The following ADAMTSL1 variants were observed in gnomAD, a reference collection of about 807,000 sequenced individuals.
ADAMTSL1 encodes ADAMTS like 1.
Under a neutral mutation model 201.8 loss-of-function variants are expected in ADAMTSL1, and 126 were observed. The observed-to-expected ratio is 0.62, with a 90% confidence interval of 0.54 to 0.72. ADAMTSL1 has a LOEUF of 0.72. Ranked by LOEUF, ADAMTSL1 falls within the 30% of genes least tolerant of loss-of-function variation. The probability of loss-of-function intolerance (pLI) is 0.00; values close to 1 mark genes in which losing one functional copy is unlikely to be tolerated. For missense variants in ADAMTSL1, 2,679 were observed against 2,277.8 expected, an observed-to-expected ratio of 1.18 and a Z score of -3.59; for synonymous variants, 1,121 against 903.4, an observed-to-expected ratio of 1.24 and a Z score of -4.32.
At chr9:18,375,204 T>G (rs971073240) in intron 2 of ADAMTSL1, among the ~76,000 whole-genome samples, 7 of 152,228 alleles carry the variant, frequency 4.6e-5, no homozygotes, top group African/African-American at 1.7e-4. Flanking sequence ...ACTATTCTGA[T>G]AGAGAATAGC....
At chr9:18,021,147 T>C (rs989262162) in intron 1 of ADAMTSL1, among the ~76,000 whole-genome samples, 2 of 152,156 alleles carry the variant, frequency 1.3e-5, no homozygotes, top group African/African-American at 4.8e-5. Context: ...TACAACACTA[T>C]AGTTTGAGAA....
chr9:17,988,312 C>G (rs1030396819), intron 1 of ADAMTSL1, among the ~76,000 whole-genome samples: 1 of 151,988 alleles, frequency 6.6e-6, no homozygotes, highest in Non-Finnish European at 1.5e-5. Flanking sequence ...CTCTATTGAC[C>G]TTATTGCTGT....
intron 2 of ADAMTSL1, among the ~76,000 whole-genome samples, chr9:18,198,185 G>A (rs1279322830): frequency 5.3e-5 from 8 of 151,802 alleles, no homozygotes; most frequent in Non-Finnish European, 1.2e-4. Context: ...TACCATTCAG[G>A]ACATAGGCAT....
chr9:18,812,827 G>A (rs936729849), intron 20 of ADAMTSL1, among the ~76,000 whole-genome samples: 3 of 152,078 alleles, frequency 2.0e-5, no homozygotes, highest in African/African-American at 7.2e-5. Context: ...TTGGCTGTAA[G>A]TACGTGGATT....
chr9:17,928,020 G>A (rs1218216816), intron 1 of ADAMTSL1, among the ~76,000 whole-genome samples: 3 of 149,400 alleles, frequency 2.0e-5, no homozygotes, highest in African/African-American at 7.4e-5. Context: ...TTTGAGACAG[G>A]GTCTTGCTCT....
At chr9:18,780,061 G>C (rs542347606) in intron 19 of ADAMTSL1, among the ~76,000 whole-genome samples, 1 of 152,318 alleles carries the variant, frequency 6.6e-6, no homozygotes, top group African/African-American at 2.4e-5. Context: ...TTGCCTGCAG[G>C]GAGAACATTG....
intron 16 of ADAMTSL1, among the ~76,000 whole-genome samples, chr9:18,757,594 C>T (rs893118496): frequency 6.6e-6 from 1 of 152,098 alleles, no homozygotes; most frequent in African/African-American, 2.4e-5. Context: ...CCCCTGCCCG[C>T]CTACCATTTC....
chr9:18,128,751 A>T (rs975329427), intron 1 of ADAMTSL1, among the ~76,000 whole-genome samples: 1 of 151,994 alleles, frequency 6.6e-6, no homozygotes, highest in Admixed American at 6.6e-5. Context: ...TTCAATTCCC[A>T]TTCCCTCTTC....
intron 26 of ADAMTSL1, chr9:18,905,555 A>C: frequency 1.9e-6 from 1 of 540,176 alleles, no homozygotes; most frequent in South Asian, 2.2e-5. Context: ...CACTACCATT[A>C]GCCATTTGCT....
At chr9:18,371,085 T>G (rs554622688) in intron 2 of ADAMTSL1, among the ~76,000 whole-genome samples, 1 of 152,338 alleles carries the variant, frequency 6.6e-6, no homozygotes, top group East Asian at 1.9e-4. Context: ...TATCTCAATT[T>G]AAAAACTAAA....
intron 1 of ADAMTSL1, among the ~76,000 whole-genome samples, chr9:17,979,608 CTT>C (rs1318619140): frequency 6.6e-6 from 1 of 151,354 alleles, no homozygotes; most frequent in Non-Finnish European, 1.5e-5. Flanking sequence ...AAGACAGTGA[CTT>C]TGAATTCTTA....
At chr9:18,788,875 T>C (rs950062729) in intron 19 of ADAMTSL1, among the ~76,000 whole-genome samples, 1 of 152,152 alleles carries the variant, frequency 6.6e-6, no homozygotes, top group African/African-American at 2.4e-5. Flanking sequence ...CTGGCTTTTT[T>C]TTTTTTAGTG....
At chr9:18,893,295 A>G (rs886590704) in intron 26 of ADAMTSL1, among the ~76,000 whole-genome samples, 1 of 152,158 alleles carries the variant, frequency 6.6e-6, no homozygotes, top group Non-Finnish European at 1.5e-5. Context: ...AATAGCAAAC[A>G]GATCCGGCTA....
intron 3 of ADAMTSL1, among the ~76,000 whole-genome samples, chr9:18,560,795 A>G (rs767511869): frequency 4.6e-5 from 7 of 151,896 alleles, no homozygotes. Flanking sequence ...ATTTGCATAC[A>G]GGTGTTTACA....
chr9:18,271,429 G>C (rs1019892482), intron 2 of ADAMTSL1, among the ~76,000 whole-genome samples: 4 of 151,982 alleles, frequency 2.6e-5, no homozygotes, highest in Non-Finnish European at 5.9e-5. Context: ...TGCAGTGTTT[G>C]GTTTTTTGTC....
chr9:17,986,494 T>C (rs894696607), intron 1 of ADAMTSL1, among the ~76,000 whole-genome samples: 3 of 152,118 alleles, frequency 2.0e-5, no homozygotes, highest in Admixed American at 1.3e-4. Context: ...GAAAGAAGAA[T>C]GATCTGTAAT....
intron 26 of ADAMTSL1, among the ~76,000 whole-genome samples, chr9:18,893,663 G>A (rs545367367): frequency 2.6e-5 from 4 of 152,292 alleles, no homozygotes; most frequent in African/African-American, 9.6e-5. Context: ...ACAGATTGCA[G>A]ACAAATACTT....
In ADAMTSL1 at chr9:18,680,468, C is replaced by T; in HGVS notation, c.1293C>T (p.Pro431=). Residue 431 remains proline, a synonymous_variant, in exon 11 of 29, where the codon CCC becomes CCT. Transcript: ENST00000380548. The part of the protein sequence containing the change: ...MYTPKMPIAQ[P]CNIFDCPKWL... ...CCCCTAAGATGCCCATCGCGCAGCCCTGCAACATTTTTGACTGCCCTAAAT... is the reference window on the plus strand; with the variant it reads ...CCCCTAAGATGCCCATCGCGCAGCCTTGCAACATTTTTGACTGCCCTAAAT... The T allele has an allele frequency of 6.2e-7, 1 of 1,614,190 alleles. No individual in the cohort carries two copies. The highest frequency in any genetic ancestry group is 8.5e-7 in the Non-Finnish European group (1 of 1,180,036).
intron 19 of ADAMTSL1, among the ~76,000 whole-genome samples, chr9:18,779,059 GTTTA>G (rs1821229646): frequency 6.6e-6 from 1 of 152,216 alleles, no homozygotes; most frequent in Non-Finnish European, 1.5e-5. Context: ...ACTATGCCAA[GTTTA>G]TTTATAAGTA....
Sources: allele counts gnomAD v4.1 joint callset (sites outside exome capture counted in the v4.1 genomes callset), GRCh38; gene constraint gnomAD v4.1.1; transcripts MANE v1.5; gene names NCBI Gene and HGNC (gene_info 2026-07-23, HGNC 2026-07-21).